The following PCDHGB2 variants were observed in gnomAD, a reference collection of about 807,000 sequenced individuals.
PCDHGB2 encodes protocadherin gamma subfamily B, 2.
In PCDHGB2, 55 loss-of-function variants were observed where a neutral mutation model predicts 59.3. That is an observed-to-expected ratio of 0.93 (90% CI 0.75 to 1.16). PCDHGB2 has a LOEUF of 1.16. PCDHGB2 is among the 50% of genes most tolerant of loss of function. The probability of loss-of-function intolerance (pLI) is 0.00; values close to 1 mark genes in which losing one functional copy is unlikely to be tolerated. For synonymous variants in PCDHGB2, 516 were observed against 512.0 expected (o/e 1.01, Z -0.11); for missense variants, 1,228 against 1,198.5 (o/e 1.02, Z -0.36).
At chr5:141,403,143 T>A in intron 1 of PCDHGB2, 1 of 1,613,850 alleles carries the variant, frequency 6.2e-7, no homozygotes, top group Non-Finnish European at 8.5e-7. Flanking sequence ...GAGCGCCGAG[T>A]CCGCATCGTC....
intron 1 of PCDHGB2, among the ~76,000 whole-genome samples, chr5:141,460,912 G>GTATA (rs34683754): frequency 4.0e-5 from 6 of 149,324 alleles, no homozygotes; most frequent in South Asian, 2.1e-4. Context: ...ATTCCATGGT[G>GTATA]TATATATATA....
intron 1 of PCDHGB2, chr5:141,471,433 T>C (rs2099257619): frequency 6.6e-6 from 1 of 152,162 alleles, no homozygotes; most frequent in African/African-American, 2.4e-5. Flanking sequence ...GGAAAGTGTA[T>C]AATCTCATGT....
At chr5:141,418,744 T>C in intron 1 of PCDHGB2, 1 of 1,613,936 alleles carries the variant, frequency 6.2e-7, no homozygotes, top group Non-Finnish European at 8.5e-7. Context: ...TCTCTCTGGA[T>C]TACACTACAG....
At chr5:141,502,398 C>T (rs1303456458) in intron 2 of PCDHGB2, among the ~76,000 whole-genome samples, 1 of 151,688 alleles carries the variant, frequency 6.6e-6, no homozygotes, top group Non-Finnish European at 1.5e-5. Flanking sequence ...TTAAAATGTC[C>T]CCGAACCTGG....
intron 1 of PCDHGB2, chr5:141,415,947 C>G: frequency 1.9e-6 from 1 of 532,382 alleles, no homozygotes; most frequent in Non-Finnish European, 2.8e-6. Flanking sequence ...CCTGGGTGGT[C>G]ACATATTGAA....
intron 1 of PCDHGB2, chr5:141,410,694 T>C: frequency 6.7e-7 from 1 of 1,493,788 alleles, no homozygotes; most frequent in Non-Finnish European, 8.9e-7. Context: ...TACTACTTTA[T>C]TTTCATATCT....
At chr5:141,371,418 G>C (rs761627230) in intron 1 of PCDHGB2, 9 of 1,614,006 alleles carry the variant, frequency 5.6e-6, no homozygotes, top group Middle Eastern at 1.6e-4. Context: ...AGATGAAAAT[G>C]ACAATGCCCC....
At chr5:141,364,714 T>C in intron 1 of PCDHGB2, 1 of 1,613,970 alleles carries the variant, frequency 6.2e-7, no homozygotes, top group South Asian at 1.1e-5. Context: ...ATATTAATGA[T>C]AACTTCCCGC....
intron 1 of PCDHGB2, chr5:141,399,518 G>C (rs2093824828): frequency 6.2e-7 from 1 of 1,613,994 alleles, no homozygotes. Flanking sequence ...AACCCTCCTG[G>C]GGCCTCCATC....
At position 141,389,870 on chromosome 5, in the gene PCDHGB2, C is replaced by T. The variant is rs1395147259; in HGVS notation, c.2421+27314C>T. On this transcript the variant is annotated intron_variant, in intron 1 of 3. Transcript: ENST00000522605. ...CCACTGCCACGTTGCACCTGGTCTT[C>T]GCCGACAGCTTGCAGGAGGTGCTGC... is the stretch of plus-strand genomic sequence containing the variant. The T allele has an allele frequency of 2.5e-6, 4 of 1,613,960 alleles. No individual in the cohort carries two copies. The South Asian group carries it at 3.3e-5, about 13-fold the overall frequency.
At chr5:141,398,811 C>G in intron 1 of PCDHGB2, 1 of 1,613,980 alleles carries the variant, frequency 6.2e-7, no homozygotes. Context: ...CCACTGAGCT[C>G]CGGATCCAGG....
Position 141,489,680 on chromosome 5 carries a change from C to T in PCDHGB2, c.2422-5127C>T, listed in dbSNP as rs758765306. On this transcript the variant is annotated intron_variant, in intron 1 of 3. Coordinates refer to ENST00000522605, the MANE Select transcript of PCDHGB2 (RefSeq NM_018923.3). This position sits in a 1 kb window ranked among gnomAD's most constrained non-coding sequence, Gnocchi z 4.5. ...GAGATGCGCATCTCAGAATCAGCAG[C>T]ATCTGGGGCACGATTCCCACTGGAC... 2 of 1,614,070 alleles carry T rather than the reference C, an allele frequency of 1.2e-6. No individual in the cohort carries two copies. The highest frequency in any genetic ancestry group is 2.2e-5 in the East Asian group (1 of 44,886).
In PCDHGB2 at chr5:141,476,962, C is replaced by A. The variant is rs2099402286; in HGVS notation, c.2422-17845C>A. On this transcript the variant is annotated intron_variant, in intron 1 of 3. Coordinates refer to ENST00000522605, the MANE Select transcript of PCDHGB2 (RefSeq NM_018923.3). This position sits in a 1 kb window ranked among gnomAD's most constrained non-coding sequence, Gnocchi z 7.6. ...GCCCCAACGGTGAAATTATTTACTCCTTCGGCAGCCACAACCGCGCCGGCG... is the reference window on the plus strand; with the variant it reads ...GCCCCAACGGTGAAATTATTTACTCATTCGGCAGCCACAACCGCGCCGGCG... 2 of 1,614,200 alleles carry A rather than the reference C, an allele frequency of 1.2e-6. No individual in the cohort carries two copies. The highest frequency in any genetic ancestry group is 1.7e-6 in the Non-Finnish European group (2 of 1,180,042).
At chr5:141,413,931 A>T (rs776911095) in intron 1 of PCDHGB2, 1 of 1,613,254 alleles carries the variant, frequency 6.2e-7, no homozygotes, top group Non-Finnish European at 8.5e-7. Flanking sequence ...CAGAATACCG[A>T]GTGAGTGTTC....
rs774983500 is a variant in PCDHGB2 at position 141,490,973 on chromosome 5, G to T, written c.2422-3834G>T. ...GACTGGGAACACTCAGCCCCCCAGC[G>T]TCTCCCTCGCTCTGCTCCTCCTGGC... On this transcript the variant is annotated intron_variant, in intron 1 of 3. Transcript: ENST00000522605. The surrounding 1 kb of genome is among the most constrained non-coding windows in gnomAD (Gnocchi z 5.4). 1 of 1,613,932 alleles carries T rather than the reference G, an allele frequency of 6.2e-7. No individual in the cohort carries two copies. The highest frequency in any genetic ancestry group is 1.3e-5 in the African/African-American group (1 of 75,040).
chr5:141,409,238 G>A (rs2095245468), intron 1 of PCDHGB2: 1 of 1,614,002 alleles, frequency 6.2e-7, no homozygotes, highest in Non-Finnish European at 8.5e-7. Flanking sequence ...CAACAGCCCA[G>A]AAATAATCAT....
intron 1 of PCDHGB2, chr5:141,397,891 A>G: frequency 3.2e-6 from 2 of 631,130 alleles, no homozygotes; most frequent in Non-Finnish European, 5.3e-6. Context: ...CTGTTGGCCA[A>G]AGTGCAGAGC....
chr5:141,365,052 T>A, intron 1 of PCDHGB2: 2 of 1,613,872 alleles, frequency 1.2e-6, no homozygotes, highest in Non-Finnish European at 1.7e-6. Context: ...AATGCGCCCC[T>A]GTTCACCCCA....
At chr5:141,440,113 G>A (rs1375262224) in intron 1 of PCDHGB2, 1 of 152,248 alleles carries the variant, frequency 6.6e-6, no homozygotes, top group Non-Finnish European at 1.5e-5. Context: ...ACTTACTTGT[G>A]AATGACTGAA....
Sources: allele counts gnomAD v4.1 joint callset (sites outside exome capture counted in the v4.1 genomes callset), GRCh38; gene constraint gnomAD v4.1.1; non-coding constraint Gnocchi (gnomAD v3.1); transcripts MANE v1.5; gene names NCBI Gene and HGNC (gene_info 2026-07-23, HGNC 2026-07-21).